Variants in SLC2A9 observed in about 807,000 individuals in gnomAD.
SLC2A9 encodes the protein solute carrier family 2, facilitated glucose transporter member 9.
SLC2A9 carries 39 observed loss-of-function variants against 50.6 expected under a neutral mutation model. The ratio of observed to expected loss-of-function variants is 0.77; its 90% CI spans 0.60 to 1.01. The LOEUF is 1.01. Among genes scored for constraint, SLC2A9 ranks in the 50% least tolerant of loss-of-function variants. SLC2A9 has a pLI of 0.00. For missense variants in SLC2A9, 686 were observed against 677.6 expected (o/e 1.01, Z -0.14); for synonymous variants, 324 against 276.9 (o/e 1.17, Z -1.69).
chr4:9,862,054 A>G (rs28591077), intron 10 of SLC2A9, among the ~76,000 whole-genome samples: 71,409 of 151,872 alleles, frequency 0.47, 19,234 homozygotes, highest in African/African-American at 0.74. Context: ...AAACACGAAG[A>G]ACTGTTGAGC....
chr4:9,952,614 T>G (rs4627861), intron 5 of SLC2A9, among the ~76,000 whole-genome samples: 72,879 of 151,230 alleles, frequency 0.48, 18,939 homozygotes, highest in African/African-American at 0.67. Flanking sequence ...GCTCACTGCA[T>G]CCCCAACCTC....
At position 9,833,482 on chromosome 4, in the gene SLC2A9, G is replaced by A. The variant is rs546182762; in HGVS notation, c.1419+1399C>T. On this transcript the variant is annotated intron_variant, in intron 11 of 11. Transcript: ENST00000264784. ...GTCTGCTTCCTGGACCTCCTTGCCT[G>A]TACAGTGGCAAGGATCAGAAACTCC... Among the ~76,000 whole-genome samples the A allele has an allele frequency of 3.3e-5, 5 of 152,264 alleles. No homozygotes were observed. The East Asian group carries it at 7.7e-4, about 24-fold the overall frequency.
chr4:9,864,949 T>C (rs1409722066), intron 10 of SLC2A9, among the ~76,000 whole-genome samples: 2 of 152,236 alleles, frequency 1.3e-5, no homozygotes, highest in Admixed American at 6.5e-5. Flanking sequence ...AGGAGAAAGG[T>C]TGGAGTACCA....
chr4:9,961,009 G>A (rs1416684674), intron 5 of SLC2A9, among the ~76,000 whole-genome samples: 2 of 152,146 alleles, frequency 1.3e-5, no homozygotes, highest in African/African-American at 4.8e-5. Flanking sequence ...TTTAATCATT[G>A]CATTAACTCC....
At chr4:9,901,561 T>C (rs372317899) in intron 8 of SLC2A9, among the ~76,000 whole-genome samples, 2 of 152,132 alleles carry the variant, frequency 1.3e-5, no homozygotes, top group East Asian at 3.9e-4. Flanking sequence ...AACACCCCTG[T>C]CCACTAAAAG....
At chr4:9,852,316 A>C (rs565553666) in intron 10 of SLC2A9, among the ~76,000 whole-genome samples, 12 of 151,098 alleles carry the variant, frequency 7.9e-5, no homozygotes, top group African/African-American at 2.9e-4. Flanking sequence ...GCAGTGGCGC[A>C]ATCTCGGCTC....
At chr4:9,936,195 G>T (rs1747047484) in intron 6 of SLC2A9, among the ~76,000 whole-genome samples, 4 of 152,226 alleles carry the variant, frequency 2.6e-5, no homozygotes, top group South Asian at 2.1e-4. Context: ...AGGTGATCAG[G>T]TCGGGGGTGC....
intron 4 of SLC2A9, among the ~76,000 whole-genome samples, chr4:9,981,659 T>A (rs528050789): frequency 2.0e-5 from 3 of 152,292 alleles, no homozygotes; most frequent in African/African-American, 4.8e-5. Context: ...CATTGCCTCT[T>A]GTCATAAATT....
intron 6 of SLC2A9, among the ~76,000 whole-genome samples, chr4:9,940,599 C>G (rs943144286): frequency 6.6e-6 from 1 of 152,176 alleles, no homozygotes; most frequent in African/African-American, 2.4e-5. Flanking sequence ...TCTCTATAAA[C>G]CAAAACCCAC....
intron 2 of SLC2A9, among the ~76,000 whole-genome samples, chr4:10,015,230 T>C (rs1365234737): frequency 6.6e-6 from 1 of 152,178 alleles, no homozygotes; most frequent in Non-Finnish European, 1.5e-5. Context: ...TCTCCCCTTG[T>C]TCCTCTTTGC....
chr4:9,855,187 A>T (rs933458736), intron 10 of SLC2A9, among the ~76,000 whole-genome samples: 1 of 152,246 alleles, frequency 6.6e-6, no homozygotes, highest in Non-Finnish European at 1.5e-5. Context: ...TTTGCAGACA[A>T]TATAATTTTA....
intron 8 of SLC2A9, among the ~76,000 whole-genome samples, chr4:9,903,590 A>G (rs115989677): frequency 0.011 from 1,608 of 152,228 alleles, 21 homozygotes; most frequent in African/African-American, 0.036. Flanking sequence ...TGCAGATCAA[A>G]TGAGCAAAGA....
At chr4:9,947,995 T>C (rs1362427938) in intron 5 of SLC2A9, among the ~76,000 whole-genome samples, 3 of 152,160 alleles carry the variant, frequency 2.0e-5, no homozygotes, top group African/African-American at 4.8e-5. Flanking sequence ...GTTGCCTCCA[T>C]GTCCATCACC....
intron 8 of SLC2A9, among the ~76,000 whole-genome samples, chr4:9,899,170 C>A (rs968544129): frequency 6.6e-6 from 1 of 152,242 alleles, no homozygotes; most frequent in African/African-American, 2.4e-5. Context: ...GCATCCCAAA[C>A]AGCTGTTTCC....
At position 9,912,256 on chromosome 4, in the gene SLC2A9, G is replaced by A. The variant is rs558058994; in HGVS notation, c.1003-3911C>T. On this transcript the variant is annotated intron_variant, in intron 7 of 11. Transcript: ENST00000264784. The stretch of plus-strand genomic sequence containing the variant: ...GTATACATATGTAACAAACCTGCAC[G>A]TTGTGCACATGTACCCTAAAACTTA... 7.2e-5 allele frequency among the ~76,000 whole-genome samples: 11 copies of A among 151,968 alleles called. No individual in the cohort carries two copies. The East Asian group carries it at 1.4e-3, about 19-fold the overall frequency.
At chr4:9,892,285 G>A (rs1737624890) in intron 8 of SLC2A9, among the ~76,000 whole-genome samples, 2 of 152,240 alleles carry the variant, frequency 1.3e-5, no homozygotes, top group Non-Finnish European at 2.9e-5. Context: ...GAATGTTGAG[G>A]GGAACGGAGG....
At chr4:9,822,871 G>A (rs1378633225), downstream of SLC2A9, among the ~76,000 whole-genome samples, 3 of 152,030 alleles carry the variant, frequency 2.0e-5, no homozygotes, top group Non-Finnish European at 2.9e-5. Flanking sequence ...GGAAGGGATC[G>A]AGGCAGGAGA....
chr4:9,948,899 T>C (rs1578035354), intron 5 of SLC2A9, among the ~76,000 whole-genome samples: 1 of 152,212 alleles, frequency 6.6e-6, no homozygotes, highest in Admixed American at 6.5e-5. Context: ...ATTCCAAATC[T>C]TCATGTCCAT....
intron 3 of SLC2A9, among the ~76,000 whole-genome samples, chr4:9,818,988 G>A (rs2109031455): frequency 6.6e-6 from 1 of 152,122 alleles, no homozygotes; most frequent in East Asian, 1.9e-4. Flanking sequence ...CAGGTGTGGT[G>A]GCAGGTGCCT....
Sources: allele counts gnomAD v4.1 joint callset (sites outside exome capture counted in the v4.1 genomes callset), GRCh38; gene constraint gnomAD v4.1.1; transcripts MANE v1.5; gene names NCBI Gene and HGNC (gene_info 2026-07-23, HGNC 2026-07-21).